The following PDPR variants were observed in gnomAD, a reference collection of about 807,000 sequenced individuals.
PDPR encodes pyruvate dehydrogenase phosphatase regulatory subunit, mitochondrial.
A neutral mutation model predicts 102.2 loss-of-function variants in PDPR; 50 were observed. The observed-to-expected ratio is 0.49, with a 90% CI of 0.39 to 0.62. The LOEUF (loss-of-function observed/expected upper bound fraction) is 0.62. Ranked by LOEUF, PDPR falls within the 20% of genes least tolerant of loss-of-function variation. PDPR has a pLI of 0.00. For missense variants in PDPR, 625 were observed against 1,098.2 expected, an observed-to-expected ratio of 0.57 and a Z score of 6.09; for synonymous variants, 259 against 406.0, an observed-to-expected ratio of 0.64 and a Z score of 4.35.
intron 15 of PDPR, chr16:70,145,868 T>A: frequency 2.0e-6 from 1 of 495,092 alleles, no homozygotes; most frequent in South Asian, 1.9e-5. Context: ...TTCCATCACA[T>A]AGCCTTGCTG....
At chr16:70,127,643 T>A (rs1335089870) in intron 4 of PDPR, among the ~76,000 whole-genome samples, 1 of 152,236 alleles carries the variant, frequency 6.6e-6, no homozygotes, top group Non-Finnish European at 1.5e-5. Flanking sequence ...TAAGAAAATA[T>A]GTAAATTATC....
chr16:70,145,420 G>A (rs1344204404), intron 15 of PDPR, among the ~76,000 whole-genome samples: 2 of 152,254 alleles, frequency 1.3e-5, no homozygotes, highest in African/African-American at 2.4e-5. Context: ...ACAGGCATGA[G>A]CCACCACGCC....
rs1456955373 is a variant in PDPR, at chr16:70,156,525, A to T, written c.2286A>T (p.Gly762=). 4 of 1,613,958 alleles carry T rather than the reference A, an allele frequency of 2.5e-6. No individual in the cohort carries two copies. Among genetic ancestry groups the T allele is most frequent in the Non-Finnish European group, 2.5e-6 (3 of 1,179,914 alleles). ...RDALLQQKQN[G]VYKRLTMFIL... is the part of the protein sequence containing the mutation. The stretch of plus-strand genomic sequence containing the variant: ...CCCTCCTGCAGCAGAAGCAGAATGG[A>T]GTGTATAAACGCCTCACCATGTTCA... The change falls in exon 19 of 19, where the codon GGA becomes GGT. Residue 762 remains glycine, a synonymous_variant. Coordinates refer to ENST00000288050, the MANE Select transcript of PDPR (RefSeq NM_017990.5).
Position 70,156,914 on chromosome 16 carries a change from C to G in PDPR, c.*35C>G, listed in dbSNP as rs1270793885. On this transcript the variant is annotated 3_prime_UTR_variant, in exon 19 of 19. Transcript: ENST00000288050. ...GGCAGCCTCACCTCCTCCCCATCAT[C>G]TTGTCCTAGAGTGGGCGTCACCTTG... The G allele has an allele frequency of 4.4e-6, 7 of 1,605,042 alleles. No homozygotes were observed. In the African/African-American group the frequency reaches 5.3e-5, roughly 12 times the overall value.
rs768846586 is a variant in PDPR, at chr16:70,156,725, T to C, written c.2486T>C (p.Val829Ala). ...NFSEDTGEEQ[V>A]VTADFINRGE... ...TCTGAGGACACGGGGGAAGAGCAAGTGGTGACAGCAGATTTCATCAACCGG... is the reference window on the plus strand; with the variant it reads ...TCTGAGGACACGGGGGAAGAGCAAGCGGTGACAGCAGATTTCATCAACCGG... The change falls in exon 19 of 19, where the codon GTG becomes GCG. Residue 829 changes from valine to alanine, a missense_variant. Coordinates refer to ENST00000288050, the MANE Select transcript of PDPR (RefSeq NM_017990.5). 4.3e-6 allele frequency: 7 copies of C among 1,613,988 alleles called. No homozygotes were observed. In the African/African-American group the frequency reaches 5.3e-5, roughly 12 times the overall value.
chr16:70,151,315 C>T (rs1966724347), intron 17 of PDPR, among the ~76,000 whole-genome samples: 1 of 152,260 alleles, frequency 6.6e-6, no homozygotes, highest in Non-Finnish European at 1.5e-5. Flanking sequence ...ATGATCCTCT[C>T]ATCTCAGCCT....
At chr16:70,129,537 C>T (rs542248998) in intron 6 of PDPR, among the ~76,000 whole-genome samples, 5 of 152,370 alleles carry the variant, frequency 3.3e-5, no homozygotes, top group East Asian at 1.9e-4. Flanking sequence ...TTAGTAGAGA[C>T]GGGGTTTCGC....
chr16:70,152,776 T>G (rs894171570), intron 17 of PDPR, among the ~76,000 whole-genome samples: 5 of 152,412 alleles, frequency 3.3e-5, no homozygotes, highest in Middle Eastern at 3.4e-3. Context: ...GCTTTCAGTT[T>G]GGAAAACCTT....
rs1162339028 is a variant in PDPR at position 70,133,421 on chromosome 16, C to CTTTTTTTTTT, written c.997+1125_997+1134dup. On this transcript the variant is annotated intron_variant, in intron 9 of 18. Transcript: ENST00000288050. ...ACAGGCATGAGCCACTGCGTCTGGC[C>CTTTTTTTTTT]TTTTTTTTTTTTTGAGATAAGAGTC... is the stretch of plus-strand genomic sequence containing the variant. Among the ~76,000 whole-genome samples, 20 of 103,744 alleles carry CTTTTTTTTTT rather than the reference C, an allele frequency of 1.9e-4. 1 individual carries two copies. Among genetic ancestry groups the CTTTTTTTTTT allele is most frequent in the African/African-American group, 4.9e-4 (12 of 24,740 alleles). 68.1% of individuals were successfully genotyped at this position (103,744 alleles called of 152,430 possible). A position where few individuals can be genotyped will look rare whatever the true frequency, so the allele number is the denominator to read the frequency against.
At chr16:70,152,584 A>G (rs1296225973) in intron 17 of PDPR, among the ~76,000 whole-genome samples, 1 of 152,284 alleles carries the variant, frequency 6.6e-6, no homozygotes, top group Admixed American at 6.5e-5. Flanking sequence ...CTGTTCAGCT[A>G]CAGTGGTGCA....
intron 9 of PDPR, among the ~76,000 whole-genome samples, chr16:70,133,097 A>G (rs1964709923): frequency 6.9e-6 from 1 of 144,488 alleles, no homozygotes; most frequent in African/African-American, 2.6e-5. Context: ...GGCATGAGCC[A>G]TGATACCCAG....
intron 2 of PDPR, 121 bp from the exon 3 acceptor site, chr16:70,120,340 A>T: frequency 3.1e-6 from 2 of 644,148 alleles, no homozygotes; most frequent in East Asian, 5.6e-5. Flanking sequence ...GTGAGGCACC[A>T]TGCCCAGCCA....
intron 17 of PDPR, among the ~76,000 whole-genome samples, chr16:70,150,068 C>T (rs529038790): frequency 4.6e-5 from 7 of 150,722 alleles, no homozygotes; most frequent in Admixed American, 2.0e-4. Context: ...GGATTAGAAG[C>T]GTGAGCCACC....
chr16:70,156,386 T>C, intron 18 of PDPR, 89 bp from the exon 19 acceptor site: 3 of 1,481,398 alleles, frequency 2.0e-6, no homozygotes, highest in Non-Finnish European at 9.2e-7. Context: ...CCCATTGCAG[T>C]GACACCAGGG....
chr16:70,122,868 C>CACACACACACACACACACAA (rs1555520799), intron 3 of PDPR, among the ~76,000 whole-genome samples: 1 of 149,722 alleles, frequency 6.7e-6, no homozygotes, highest in Non-Finnish European at 1.5e-5. Context: ...CACACACACA[C>CACACACACACACACACACAA]CAGTTTAGAC....
chr16:70,153,416 T>C lies in PDPR; in HGVS notation c.2078T>C (p.Val693Ala), dbSNP rs780006315. The C allele has an allele frequency of 1.2e-5, 20 of 1,613,636 alleles. No homozygotes were observed. Among genetic ancestry groups the C allele is most frequent in the Non-Finnish European group, 1.6e-5 (19 of 1,179,786 alleles). ...IEYALHVYNEVMSVGQKYGIR... is the reference protein window; with the variant it reads ...IEYALHVYNEAMSVGQKYGIR... ...TACGCCCTGCATGTATACAATGAAGTGATGAGTGTTGGCCAGAAATACGGA... is the reference window on the plus strand; with the variant it reads ...TACGCCCTGCATGTATACAATGAAGCGATGAGTGTTGGCCAGAAATACGGA... The change falls in exon 18 of 19, where the codon GTG (valine) becomes GCG (alanine). Residue 693 changes from valine (V) to alanine (A), a missense_variant. Val to Ala is a moderately conservative substitution (Grantham distance 64). This residue lies in a region of PDPR where 303 missense variants were observed against 258.9 expected (regional missense o/e 1.17). Transcript: ENST00000288050.
chr16:70,115,961 ACT>A (rs1213493802), intron 2 of PDPR, among the ~76,000 whole-genome samples: 2 of 151,606 alleles, frequency 1.3e-5, no homozygotes, highest in Non-Finnish European at 2.9e-5. Context: ...AAGGCACTAG[ACT>A]CTGGTGCCTT....
rs756775814 is a variant in PDPR at position 70,130,588 on chromosome 16, C to T, written c.729+44C>T. On this transcript the variant is annotated intron_variant, in intron 7 of 18. Coordinates refer to ENST00000288050, the MANE Select transcript of PDPR (RefSeq NM_017990.5). ...TGCTGTTCTTATTTAACGTTTGTCT[C>T]CAAGATTTTTTTGGTGTAGAGAAGT... The T allele has an allele frequency of 5.0e-6, 8 of 1,611,048 alleles. No individual in the cohort carries two copies. In the South Asian group the frequency reaches 8.8e-5, roughly 18 times the overall value.
chr16:70,160,752 T>C lies in PDPR; in HGVS notation c.*3873T>C, dbSNP rs1210348832. On this transcript the variant is annotated 3_prime_UTR_variant, in exon 19 of 19. Transcript: ENST00000288050. ...TATATTACCTGCCGTTGCATGCATTTGAAAGTTAGCCTCCTCCCTTGCCAC... is the reference window on the plus strand; with the variant it reads ...TATATTACCTGCCGTTGCATGCATTCGAAAGTTAGCCTCCTCCCTTGCCAC... The C allele has an allele frequency of 2.0e-5, 3 of 152,488 alleles. No individual in the cohort carries two copies. Among genetic ancestry groups the C allele is most frequent in the Non-Finnish European group, 4.4e-5 (3 of 68,160 alleles). The allele number at this position is 152,488 out of a possible 1,614,324, so 9.4% of individuals were successfully genotyped here. A position where few individuals can be genotyped will look rare whatever the true frequency, so the allele number is the denominator to read the frequency against.
Sources: allele counts gnomAD v4.1 joint callset (sites outside exome capture counted in the v4.1 genomes callset), GRCh38; gene constraint gnomAD v4.1.1; regional missense constraint gnomAD v4.1.1; transcripts MANE v1.5; gene names NCBI Gene and HGNC (gene_info 2026-07-23, HGNC 2026-07-21).